SYTL2: variants seen among roughly 807,000 people sequenced by gnomAD.
SYTL2 encodes synaptotagmin like 2, also known as synaptotagmin-like protein 2.
Under a neutral mutation model 198.7 loss-of-function variants are expected in SYTL2, and 165 were observed. The observed-to-expected ratio is 0.83, with a 90% CI of 0.73 to 0.94. SYTL2 has a LOEUF of 0.94. Among genes scored for constraint, SYTL2 ranks in the 40% least tolerant of loss-of-function variants. The probability of loss-of-function intolerance (pLI) is 0.00; values close to 1 mark genes in which losing one functional copy is unlikely to be tolerated. For synonymous variants in SYTL2, 966 were observed against 917.7 expected, an observed-to-expected ratio of 1.05 and a Z score of -0.95; for missense variants, 2,835 against 2,582.8, an observed-to-expected ratio of 1.10 and a Z score of -2.12.
chr11:85,719,405 T>C (rs2087910594), intron 9 of SYTL2: 3 of 910,054 alleles, frequency 3.3e-6, no homozygotes, highest in Non-Finnish European at 4.1e-6. Context: ...GGTGATTTTT[T>C]TTTAACCCTA....
In SYTL2 at chr11:85,734,648, A is replaced by C; in HGVS notation, c.681T>G (p.Asn227Lys). The C allele has an allele frequency of 6.2e-7, 1 of 1,614,176 alleles. No homozygotes were observed. The highest frequency in any genetic ancestry group is 1.3e-5 in the African/African-American group (1 of 75,044). ...GGATTGGAGCCTTGATTTGGGACCC[A>C]TTTGAAAGGCCTGGCAAAGTCTGCT... ...KSKQTLPGLS[N>K]GSQIKAPIPK... Residue 227 changes from asparagine (N) to lysine (K), a missense_variant, in exon 7 of 20, where the codon AAT (asparagine) becomes AAG (lysine). Asn to Lys is a moderately conservative substitution (Grantham distance 94, BLOSUM62 0). Transcript: ENST00000359152.
intron 16 of SYTL2, among the ~76,000 whole-genome samples, chr11:85,702,120 G>A (rs2084388507): frequency 6.6e-6 from 1 of 152,084 alleles, no homozygotes; most frequent in African/African-American, 2.4e-5. Context: ...TGCATTGACA[G>A]GGAACCTGTT....
chr11:85,696,889 C>A (rs2083484829), intron 18 of SYTL2, among the ~76,000 whole-genome samples: 1 of 152,100 alleles, frequency 6.6e-6, no homozygotes, highest in South Asian at 2.1e-4. Flanking sequence ...AGAAGAGAAA[C>A]CTCTCCAAAT....
the SYTL2 span, chr11:85,854,017 C>T: frequency 1.3e-5 from 2 of 151,802 alleles, no homozygotes; most frequent in African/African-American, 4.8e-5. Context: ...GCTAATTTTT[C>T]GTAGAGATGG....
At chr11:85,839,712 C>T in the SYTL2 span, among the ~76,000 whole-genome samples, 1 of 152,216 alleles carries the variant, frequency 6.6e-6, no homozygotes, top group East Asian at 1.9e-4. Flanking sequence ...GCTTCCAAAT[C>T]TTAGCTATTG....
At chr11:85,797,691 T>C (rs1445906930) in intron 1 of SYTL2, among the ~76,000 whole-genome samples, 1 of 152,090 alleles carries the variant, frequency 6.6e-6, no homozygotes, top group Non-Finnish European at 1.5e-5. Flanking sequence ...TTGTCCCTTT[T>C]GTCAGCTACA....
chr11:85,735,072 G>T (rs551781090), intron 6 of SYTL2, among the ~76,000 whole-genome samples: 1 of 152,312 alleles, frequency 6.6e-6, no homozygotes, highest in South Asian at 2.1e-4. Context: ...TCTCAATGTG[G>T]TTCATCACGT....
intron 4 of SYTL2, among the ~76,000 whole-genome samples, chr11:85,741,999 C>A (rs2090827552): frequency 1.3e-5 from 2 of 152,116 alleles, no homozygotes; most frequent in African/African-American, 4.8e-5. Context: ...CAGGTAAGTG[C>A]CCAGAAGAAA....
rs897994477 is a variant in SYTL2 at position 85,794,461 on chromosome 11, G to C, written c.-390+16493C>G. Reference sequence around the variant, plus strand: ...CCCAAAGTGCTGGGATTACAGTCACGAGCCACCACGCCCAGCCAGTTTTAA... The same window carrying C: ...CCCAAAGTGCTGGGATTACAGTCACCAGCCACCACGCCCAGCCAGTTTTAA... On this transcript the variant is annotated intron_variant, in intron 1 of 19. Transcript: ENST00000359152. Among the ~76,000 whole-genome samples, 2 of 152,052 alleles carry C rather than the reference G, an allele frequency of 1.3e-5. 1 individual carries two copies. Among genetic ancestry groups the C allele is most frequent in the South Asian group, 4.1e-4 (2 of 4,820 alleles).
intron 1 of SYTL2, among the ~76,000 whole-genome samples, chr11:85,788,584 G>A (rs993439820): frequency 2.0e-5 from 3 of 152,126 alleles, no homozygotes; most frequent in African/African-American, 7.2e-5. Context: ...GTGTGGAAAT[G>A]TACCTTCTGG....
In SYTL2 at chr11:85,748,291, C is replaced by A; in HGVS notation, c.234G>T (p.Lys78Asn). ...GADIIRASMR[K>N]KRPQIAAEQS... ...ACTCACCTGCTATCTGGGGCCTCTT[C>A]TTTCTCATAGATGCTCTGATGATAT... is the stretch of plus-strand genomic sequence containing the variant. The change falls in exon 3 of 20, where the codon AAG (lysine) becomes AAT (asparagine). Residue 78 changes from lysine to asparagine, a missense_variant. This residue lies in a region of SYTL2 where 2,645 missense variants were observed against 2,381.7 expected (regional missense o/e 1.11). Coordinates refer to ENST00000359152, the MANE Select transcript of SYTL2 (RefSeq NM_206927.4). 3.7e-6 allele frequency: 6 copies of A among 1,613,582 alleles called. No homozygotes were observed. The highest frequency in any genetic ancestry group is 4.2e-6 in the Non-Finnish European group (5 of 1,179,654).
chr11:85,829,207 G>A, the SYTL2 span, among the ~76,000 whole-genome samples: 1 of 152,126 alleles, frequency 6.6e-6, no homozygotes, highest in Non-Finnish European at 1.5e-5. Flanking sequence ...TACCAAATAG[G>A]TGGTTTTTAA....
chr11:85,756,218 A>G (rs2091856619), intron 2 of SYTL2, among the ~76,000 whole-genome samples: 1 of 152,170 alleles, frequency 6.6e-6, no homozygotes, highest in Admixed American at 6.5e-5. Context: ...GTTAGTGACA[A>G]TCCTTCACCT....
chr11:85,723,877 T>G (rs2088717072), intron 8 of SYTL2, among the ~76,000 whole-genome samples, 155 bp downstream of exon 8: 1 of 151,428 alleles, frequency 6.6e-6, no homozygotes, highest in South Asian at 2.1e-4. Context: ...ATAAATAATT[T>G]TTTTAATTAA....
intron 1 of SYTL2, among the ~76,000 whole-genome samples, chr11:85,806,279 C>T: frequency 6.6e-6 from 1 of 152,124 alleles, no homozygotes; most frequent in East Asian, 1.9e-4. Flanking sequence ...CATGTCTTTG[C>T]TCCCTTTTTC....
the SYTL2 span, among the ~76,000 whole-genome samples, chr11:85,820,712 T>G: frequency 6.6e-6 from 1 of 152,242 alleles, no homozygotes; most frequent in East Asian, 1.9e-4. Flanking sequence ...TGATAAATAC[T>G]GATGTGTATC....
chr11:85,847,804 G>C, the SYTL2 span, among the ~76,000 whole-genome samples: 6 of 152,130 alleles, frequency 3.9e-5, no homozygotes, highest in Non-Finnish European at 1.5e-5. Flanking sequence ...TTTGGCATTT[G>C]TAATTAGTTG....
Position 85,757,811 on chromosome 11 carries a change from TA to T in SYTL2, c.-87del, listed in dbSNP as rs2091955434. On this transcript the variant is annotated 5_prime_UTR_variant, in exon 2 of 20. Coordinates refer to ENST00000359152, the MANE Select transcript of SYTL2 (RefSeq NM_206927.4). ...CAACTAAGACTGCAACCAGGAAGAT[TA>T]AAACACACAAAAATGAAATATCTTG... 1.3e-6 allele frequency: 2 copies of T among 1,568,084 alleles called. No individual in the cohort carries two copies. Among genetic ancestry groups the T allele is most frequent in the South Asian group, 1.1e-5 (1 of 89,188 alleles).
intron 1 of SYTL2, among the ~76,000 whole-genome samples, chr11:85,785,362 C>G (rs1021097506): frequency 6.6e-6 from 1 of 152,170 alleles, no homozygotes; most frequent in South Asian, 2.1e-4. Flanking sequence ...GAAATGAACC[C>G]CCGTCAGGTA....
Sources: allele counts gnomAD v4.1 joint callset (sites outside exome capture counted in the v4.1 genomes callset), GRCh38; gene constraint gnomAD v4.1.1; regional missense constraint gnomAD v4.1.1; transcripts MANE v1.5; gene names NCBI Gene and HGNC (gene_info 2026-07-23, HGNC 2026-07-21).